Variants in BLVRB observed in about 807,000 individuals in gnomAD.
The protein encoded by BLVRB is biliverdin reductase B.
BLVRB carries 25 observed loss-of-function variants against 21.1 expected under a neutral mutation model. The ratio of observed to expected loss-of-function variants is 1.19; its 90% confidence interval spans 0.86 to 1.66. The LOEUF (loss-of-function observed/expected upper bound fraction) is 1.66. Ranked by LOEUF, BLVRB falls within the 40% of genes most tolerant of loss-of-function variation. BLVRB has a pLI of 0.00. For synonymous variants in BLVRB, 128 were observed against 122.2 expected (o/e 1.05, Z -0.31); for missense variants, 274 against 282.7 (o/e 0.97, Z 0.22).
intron 1 of BLVRB, among the ~76,000 whole-genome samples, chr19:40,460,367 A>G (rs981880401): frequency 2.7e-5 from 4 of 149,410 alleles, no homozygotes. Context: ...GCTGATGCCT[A>G]TTATAATCCC....
rs957758276 is a variant in BLVRB at position 40,465,492 on chromosome 19, T to G, written c.79+118A>C. 4 of 1,298,604 alleles carry G rather than the reference T, an allele frequency of 3.1e-6. No homozygotes were observed. In the African/African-American group the frequency reaches 5.9e-5, roughly 19 times the overall value. 80.4% of individuals were successfully genotyped at this position (1,298,604 alleles called of 1,614,324 possible). On this transcript the variant is annotated intron_variant, in intron 1 of 4. Coordinates refer to ENST00000263368, the MANE Select transcript of BLVRB (RefSeq NM_000713.3). ...GCCACTTGCTTTGGCCCCTGAGTCC[T>G]CATACACCTGGCTGGGGCGCTCATG...
At chr19:40,462,175 T>A (rs1426536493) in intron 1 of BLVRB, among the ~76,000 whole-genome samples, 3 of 151,904 alleles carry the variant, frequency 2.0e-5, no homozygotes, top group Non-Finnish European at 4.4e-5. Context: ...AGCACCAGCC[T>A]CCCCGTGCTA....
chr19:40,453,900 G>T (rs78543367), intron 3 of BLVRB, among the ~76,000 whole-genome samples: 1 of 152,020 alleles, frequency 6.6e-6, no homozygotes, highest in African/African-American at 2.4e-5. Flanking sequence ...CGAGAGGATC[G>T]CTTGAGCTCA....
chr19:40,462,279 C>CCTTTTT (rs1568741061), intron 1 of BLVRB, among the ~76,000 whole-genome samples: 1 of 129,634 alleles, frequency 7.7e-6, no homozygotes, highest in Non-Finnish European at 1.6e-5. Context: ...TATGGGCATT[C>CCTTTTT]TTTTTTTTTT....
chr19:40,460,885 T>A (rs1274308285), intron 1 of BLVRB, among the ~76,000 whole-genome samples: 1 of 152,060 alleles, frequency 6.6e-6, no homozygotes, highest in Admixed American at 6.6e-5. Context: ...GGCAGAAGAA[T>A]CGCTTGAACC....
Position 40,448,031 on chromosome 19 carries a change from G to T in BLVRB, c.479C>A (p.Thr160Asn). 1 of 1,613,218 alleles carries T rather than the reference G, an allele frequency of 6.2e-7. No individual in the cohort carries two copies. Among genetic ancestry groups the T allele is most frequent in the Non-Finnish European group, 8.5e-7 (1 of 1,179,288 alleles). Residue 160 changes from threonine (T) to asparagine (N), a missense_variant, in exon 5 of 5, where the codon ACT becomes AAT. Thr to Asn is a moderately conservative substitution (Grantham distance 65, BLOSUM62 0). Coordinates refer to ENST00000263368, the MANE Select transcript of BLVRB (RefSeq NM_000713.3). ...ATCCAGGGTCACTGTGTACGCCCCAGTTAGTGGCTGGTCTCCTATGAAGTA... is the reference window on the plus strand; with the variant it reads ...ATCCAGGGTCACTGTGTACGCCCCATTTAGTGGCTGGTCTCCTATGAAGTA... ...MPPHIGDQPL[T>N]GAYTVTLDGR...
chr19:40,451,192 A>C (rs1217580442), intron 4 of BLVRB, among the ~76,000 whole-genome samples, 172 bp downstream of exon 4: 1 of 152,172 alleles, frequency 6.6e-6, no homozygotes, highest in Non-Finnish European at 1.5e-5. Context: ...GATTCCAAGG[A>C]TTTTAGGAGT....
At chr19:40,457,144 G>A (rs1324368727) in intron 3 of BLVRB, among the ~76,000 whole-genome samples, 1 of 147,716 alleles carries the variant, frequency 6.8e-6, no homozygotes, top group African/African-American at 2.5e-5. Flanking sequence ...CTGCACTCCA[G>A]CCTGGGTGAC....
At chr19:40,452,905 AC>A (rs1247073205) in intron 3 of BLVRB, among the ~76,000 whole-genome samples, 68 of 119,236 alleles carry the variant, frequency 5.7e-4, no homozygotes, top group Admixed American at 1.0e-3. Context: ...CAAAAAAAAC[AC>A]AAAAATTAGC....
chr19:40,451,426 C>T lies in BLVRB; in HGVS notation c.401G>A (p.Arg134Gln), dbSNP rs534754752. The T allele has an allele frequency of 8.0e-5, 129 of 1,612,940 alleles. No individual in the cohort carries two copies. The East Asian group carries it at 1.1e-3, about 14-fold the overall frequency. The change falls in exon 4 of 5, where the codon CGG (arginine) becomes CAG (glutamine). Residue 134 changes from arginine (R) to glutamine (Q), a missense_variant. Physicochemically the swap from Arg to Gln is conservative, Grantham distance 43. Coordinates refer to ENST00000263368, the MANE Select transcript of BLVRB (RefSeq NM_000713.3). ...RLQAVTDDHI[R>Q]MHKVLRESGL... is the part of the protein sequence containing the mutation. ...TGATTCCCGCAGCACCTTGTGCATC[C>T]GGATGTGGTCATCAGTCACAGCCTG...
chr19:40,456,514 AAAAG>A (rs1236930646), intron 3 of BLVRB, among the ~76,000 whole-genome samples: 1 of 152,170 alleles, frequency 6.6e-6, no homozygotes, highest in Non-Finnish European at 1.5e-5. Flanking sequence ...AAAATGAGAA[AAAAG>A]AAAGCAAATT....
chr19:40,460,576 G>A (rs2079782826), intron 1 of BLVRB, among the ~76,000 whole-genome samples: 1 of 151,316 alleles, frequency 6.6e-6, no homozygotes, highest in Non-Finnish European at 1.5e-5. Context: ...TCCAGCCTGG[G>A]CTACAGAACA....
chr19:40,452,677 C>T (rs1477346210), intron 3 of BLVRB, among the ~76,000 whole-genome samples: 2 of 151,974 alleles, frequency 1.3e-5, no homozygotes, highest in East Asian at 3.9e-4. Flanking sequence ...CCAGCCTGGC[C>T]AACATGGTGA....
chr19:40,458,100 G>A (rs2079769445), intron 3 of BLVRB, 55 bp downstream of exon 3: 1 of 1,546,618 alleles, frequency 6.5e-7, no homozygotes, highest in African/African-American at 1.4e-5. Context: ...AGGCCCCTGG[G>A]CTGCCTCCCC....
At position 40,465,658 on chromosome 19, in the gene BLVRB, C is replaced by T. The variant is rs1429581549; in HGVS notation, c.31G>A (p.Ala11Thr). Residue 11 changes from alanine to threonine, a missense_variant, in exon 1 of 5, where the codon GCC becomes ACC. Transcript: ENST00000263368. MAVKKIAIFG[A>T]TGQTGLTTLA... is the part of the protein sequence containing the mutation. ...GTGGTGAGCCCGGTCTGGCCAGTGG[C>T]GCCGAAGATCGCGATCTTCTTGACG... The T allele has an allele frequency of 1.2e-6, 2 of 1,612,694 alleles. No individual in the cohort carries two copies. Among genetic ancestry groups the T allele is most frequent in the Admixed American group, 1.7e-5 (1 of 59,974 alleles).
intron 3 of BLVRB, among the ~76,000 whole-genome samples, chr19:40,456,107 A>G (rs1242579875): frequency 3.9e-5 from 6 of 152,202 alleles, no homozygotes; most frequent in African/African-American, 1.2e-4. Flanking sequence ...AAAAAGTTAA[A>G]AAGTATATTG....
At chr19:40,450,897 C>T (rs188954125) in intron 4 of BLVRB, among the ~76,000 whole-genome samples, 5 of 146,020 alleles carry the variant, frequency 3.4e-5, no homozygotes, top group Admixed American at 7.0e-5. Context: ...TATCTAATCT[C>T]TATCTCCCAT....
At chr19:40,460,289 C>T (rs996712430) in intron 1 of BLVRB, among the ~76,000 whole-genome samples, 1 of 120,910 alleles carries the variant, frequency 8.3e-6, no homozygotes, top group African/African-American at 3.6e-5. Context: ...GAGACAGGGT[C>T]TTGCTCTGTT....
intron 1 of BLVRB, among the ~76,000 whole-genome samples, chr19:40,462,692 C>T (rs1297218017): frequency 6.7e-6 from 1 of 148,552 alleles, no homozygotes; most frequent in Non-Finnish European, 1.5e-5. Flanking sequence ...GAGATGGAGA[C>T]CATCCTGGTT....
Sources: gnomAD v4.1 joint callset for allele counts (sites outside exome capture counted in the v4.1 genomes callset) on GRCh38, gnomAD v4.1.1 for gene constraint, MANE v1.5 for transcripts, NCBI Gene and HGNC (gene_info 2026-07-23, HGNC 2026-07-21) for gene names.